Variants in PHLPP2 observed in about 807,000 individuals in gnomAD.
PHLPP2 encodes PH domain and leucine rich repeat protein phosphatase 2.
PHLPP2 carries 66 observed loss-of-function variants against 124.9 expected under a neutral mutation model. The ratio of observed to expected loss-of-function variants is 0.53; its 90% CI spans 0.43 to 0.65. The LOEUF (loss-of-function observed/expected upper bound fraction) is 0.65. PHLPP2 is among the 30% of genes least tolerant of loss of function. The pLI, the probability that PHLPP2 is intolerant of heterozygous loss-of-function variation, is 0.00. For synonymous variants in PHLPP2, 681 were observed against 624.7 expected (o/e 1.09, Z -1.34); for missense variants, 1,685 against 1,600.4 (o/e 1.05, Z -0.90).
chr16:71,664,042 A>C lies in PHLPP2; in HGVS notation c.1842T>G (p.Thr614=), dbSNP rs143170826. 9.8e-5 allele frequency: 158 copies of C among 1,614,022 alleles called. No individual in the cohort carries two copies. In the African/African-American group the frequency reaches 2.0e-3, roughly 21 times the overall value. ...GCAGCATACTCAAACTCTCCTCTCC[A>C]GTGCAGGCGGATGGTAAAGACTCCA... ...NSLESLPSAC[T]GEESLSMLQL... The change falls in exon 13 of 19, where the codon ACT becomes ACG. Residue 614 remains threonine (T), a synonymous_variant. Transcript: ENST00000568954.
rs1275607178 is a variant in PHLPP2 at position 71,695,698 on chromosome 16, G to A, written c.419-4989C>T. Reference sequence around the variant, plus strand: ...GCACTCCAGCCTGGGAAACAAGAGTGAGACTCTGTCTCAGAAAAAAAAAAA... The same window carrying A: ...GCACTCCAGCCTGGGAAACAAGAGTAAGACTCTGTCTCAGAAAAAAAAAAA... On this transcript the variant is annotated intron_variant, in intron 3 of 18. Transcript: ENST00000568954. 1.2e-4 allele frequency among the ~76,000 whole-genome samples: 17 copies of A among 146,722 alleles called. No individual in the cohort carries two copies. In the South Asian group the frequency reaches 2.6e-3, roughly 23 times the overall value.
At chr16:71,698,218 G>T (rs1048337094) in intron 3 of PHLPP2, among the ~76,000 whole-genome samples, 7 of 152,122 alleles carry the variant, frequency 4.6e-5, no homozygotes, top group Non-Finnish European at 1.0e-4. Context: ...AGCAGGGCCC[G>T]CCACTTGTCC....
chr16:71,718,605 C>T (rs1051813544), intron 1 of PHLPP2, among the ~76,000 whole-genome samples: 5 of 151,174 alleles, frequency 3.3e-5, no homozygotes, highest in Non-Finnish European at 7.4e-5. Flanking sequence ...AAAACACATG[C>T]CTGTAATCCC....
intron 9 of PHLPP2, 96 bp from the exon 10 acceptor site, chr16:71,672,418 A>G: frequency 1.2e-6 from 1 of 865,896 alleles, no homozygotes. Flanking sequence ...ATCACCAGAG[A>G]GAAAACTGAT....
intron 13 of PHLPP2, among the ~76,000 whole-genome samples, chr16:71,661,000 T>C (rs2044784694): frequency 6.6e-6 from 1 of 152,158 alleles, no homozygotes; most frequent in Non-Finnish European, 1.5e-5. Flanking sequence ...TGTTCCTGAA[T>C]TCCATTCAGT....
intron 11 of PHLPP2, among the ~76,000 whole-genome samples, chr16:71,668,415 CAAAAAAAAAAAAA>C (rs34860764): frequency 3.3e-4 from 9 of 26,944 alleles, no homozygotes; most frequent in Admixed American, 1.1e-3. Flanking sequence ...GACTCTGTCT[CAAAAAAAAAAAAA>C]AAAAAAAAAA....
intron 3 of PHLPP2, among the ~76,000 whole-genome samples, chr16:71,691,535 T>C (rs923032849): frequency 7.2e-5 from 11 of 151,802 alleles, no homozygotes; most frequent in African/African-American, 2.4e-4. Context: ...ATACTAAGCA[T>C]AGTTTTAGGT....
chr16:71,713,816 G>A (rs2045339103), intron 2 of PHLPP2, among the ~76,000 whole-genome samples: 1 of 151,752 alleles, frequency 6.6e-6, no homozygotes, highest in Non-Finnish European at 1.5e-5. Context: ...GCATAAAGAA[G>A]CTGGTAATAA....
At chr16:71,680,021 T>G (rs2044982541) in intron 6 of PHLPP2, among the ~76,000 whole-genome samples, 1 of 151,638 alleles carries the variant, frequency 6.6e-6, no homozygotes, top group African/African-American at 2.4e-5. Flanking sequence ...AGGCGGAGCT[T>G]GCAGTGAGCC....
intron 1 of PHLPP2, chr16:71,723,385 G>C (rs988729558): frequency 6.6e-6 from 1 of 152,388 alleles, no homozygotes; most frequent in Non-Finnish European, 1.5e-5. Context: ...CCTGTGCCAG[G>C]AACCGGCGGC....
intron 4 of PHLPP2, among the ~76,000 whole-genome samples, chr16:71,688,236 G>A (rs1200561100): frequency 6.6e-6 from 1 of 152,118 alleles, no homozygotes; most frequent in African/African-American, 2.4e-5. Flanking sequence ...AGCTACAAGA[G>A]GGTTCCGCTA....
chr16:71,695,291 A>G (rs1314779600), intron 3 of PHLPP2, among the ~76,000 whole-genome samples: 1 of 152,244 alleles, frequency 6.6e-6, no homozygotes, highest in Non-Finnish European at 1.5e-5. Flanking sequence ...GCATAAAGAG[A>G]TAATTTTACT....
chr16:71,721,025 T>C (rs973137672), intron 1 of PHLPP2, among the ~76,000 whole-genome samples: 22 of 150,424 alleles, frequency 1.5e-4, no homozygotes, highest in South Asian at 4.2e-4. Context: ...AGAGAAAGAA[T>C]ATGTCAGCGC....
intron 4 of PHLPP2, among the ~76,000 whole-genome samples, chr16:71,689,462 G>C (rs1210299429): frequency 2.2e-5 from 3 of 138,862 alleles, no homozygotes; most frequent in African/African-American, 5.4e-5. Context: ...GCATGATCTT[G>C]GCTCACCACA....
intron 1 of PHLPP2, among the ~76,000 whole-genome samples, chr16:71,720,546 C>G (rs2045392092): frequency 6.6e-6 from 1 of 152,134 alleles, no homozygotes; most frequent in African/African-American, 2.4e-5. Context: ...TAAAGTAACT[C>G]TCCATATTCA....
At position 71,648,880 on chromosome 16, in the gene PHLPP2, A is replaced by G. The variant is rs745867400; in HGVS notation, c.*10T>C. On this transcript the variant is annotated 3_prime_UTR_variant, in exon 19 of 19. Transcript: ENST00000568954. ...CACAGCCTCCTCCCACACTGTGCCC[A>G]GTGGGGCAGTCATAGTGCTGTGTCG... is the stretch of plus-strand genomic sequence containing the variant. 16 of 1,599,388 alleles carry G rather than the reference A, an allele frequency of 1.0e-5. No homozygotes were observed. In the Admixed American group the frequency reaches 2.0e-4, roughly 20 times the overall value.
At chr16:71,684,088 G>A (rs367589737) in intron 5 of PHLPP2, among the ~76,000 whole-genome samples, 5 of 151,082 alleles carry the variant, frequency 3.3e-5, no homozygotes, top group African/African-American at 4.9e-5. Flanking sequence ...CACTGCACCC[G>A]GCCATCAGTT....
intron 16 of PHLPP2, among the ~76,000 whole-genome samples, chr16:71,655,873 C>T (rs1007739707): frequency 6.6e-6 from 1 of 152,154 alleles, no homozygotes; most frequent in Non-Finnish European, 1.5e-5. Flanking sequence ...AGAAAAGTCC[C>T]TAGACATGAT....
At chr16:71,712,906 C>G (rs1233268753) in intron 2 of PHLPP2, among the ~76,000 whole-genome samples, 1 of 152,088 alleles carries the variant, frequency 6.6e-6, no homozygotes, top group Non-Finnish European at 1.5e-5. Flanking sequence ...TTTTCAATGA[C>G]AGGAAATGCA....
Sources: allele counts gnomAD v4.1 joint callset (sites outside exome capture counted in the v4.1 genomes callset), GRCh38; gene constraint gnomAD v4.1.1; transcripts MANE v1.5; gene names NCBI Gene and HGNC (gene_info 2026-07-23, HGNC 2026-07-21).